The following RERE variants were observed in gnomAD, a reference collection of about 807,000 sequenced individuals.
The protein encoded by RERE is arginine-glutamic acid dipeptide repeats protein.
RERE carries 40 observed loss-of-function variants against 146.1 expected under a neutral mutation model. That is an observed-to-expected ratio of 0.27 (90% CI 0.21 to 0.36). The LOEUF (loss-of-function observed/expected upper bound fraction) is 0.36, where lower values mean the gene tolerates loss of function less well. RERE is among the 10% of genes least tolerant of loss of function. The pLI, the probability that RERE is intolerant of heterozygous loss-of-function variation, is 1.00. For missense variants in RERE, 1,933 were observed against 2,138.7 expected (o/e 0.90, Z 1.90); for synonymous variants, 1,003 against 866.0 (o/e 1.16, Z -2.78).
intron 1 of RERE, among the ~76,000 whole-genome samples, chr1:8,803,029 T>C (rs1275128898): frequency 6.6e-6 from 1 of 152,190 alleles, no homozygotes; most frequent in Non-Finnish European, 1.5e-5. Context: ...TTCAGGACAT[T>C]GGAACTAAGT....
chr1:8,531,360 T>A (rs568174350), intron 7 of RERE, among the ~76,000 whole-genome samples: 11 of 152,034 alleles, frequency 7.2e-5, no homozygotes, highest in African/African-American at 2.7e-4. Context: ...GGAGGATCAC[T>A]TGAGCCTGGG....
At position 8,353,283 on chromosome 1, in the gene RERE, C is replaced by A. The variant is rs891264168; in HGVS notation, c.*1804G>T. The A allele has an allele frequency of 6.6e-6, 1 of 152,358 alleles. No individual in the cohort carries two copies. Among genetic ancestry groups the A allele is most frequent in the Admixed American group, 6.5e-5 (1 of 15,288 alleles). 9.4% of individuals were successfully genotyped at this position (152,358 alleles called of 1,614,324 possible). A position where few individuals can be genotyped will look rare whatever the true frequency, so the allele number is the denominator to read the frequency against. On this transcript the variant is annotated 3_prime_UTR_variant, in exon 23 of 23. Transcript: ENST00000400908. ...CAAAACAAGCCTATCCCAACTGAAA[C>A]CAAACACGGTTTTTAAGAGAAACTG...
At chr1:8,390,465 C>T (rs773598153) in intron 12 of RERE, among the ~76,000 whole-genome samples, 16 of 152,128 alleles carry the variant, frequency 1.1e-4, no homozygotes, top group Admixed American at 3.9e-4. Context: ...TCCCATAGTC[C>T]GAACTGTATC....
intron 1 of RERE, among the ~76,000 whole-genome samples, chr1:8,755,075 A>G (rs916187415): frequency 2.6e-5 from 4 of 152,262 alleles, no homozygotes; most frequent in African/African-American, 9.6e-5. Context: ...CCAATTCAAT[A>G]CAAAGGCTCA....
intron 1 of RERE, among the ~76,000 whole-genome samples, chr1:8,744,620 C>G (rs1288228860): frequency 1.3e-5 from 2 of 152,122 alleles, no homozygotes; most frequent in African/African-American, 4.8e-5. Flanking sequence ...ATCTAAATAG[C>G]TCATAATATG....
intron 1 of RERE, among the ~76,000 whole-genome samples, chr1:8,686,667 T>C (rs1202571819): frequency 3.3e-5 from 5 of 152,122 alleles, no homozygotes; most frequent in Non-Finnish European, 7.4e-5. Flanking sequence ...GCAGGATCAC[T>C]TGAACCCGGG....
At chr1:8,377,384 G>C (rs373181954) in intron 12 of RERE, among the ~76,000 whole-genome samples, 6 of 152,108 alleles carry the variant, frequency 3.9e-5, no homozygotes, top group African/African-American at 1.2e-4. Context: ...GCTAATACCA[G>C]AAAAATCTTG....
intron 10 of RERE, among the ~76,000 whole-genome samples, chr1:8,490,789 G>A (rs1644970441): frequency 6.7e-6 from 1 of 150,360 alleles, no homozygotes; most frequent in African/African-American, 2.5e-5. Context: ...ATGGCTATCT[G>A]AGGCTGGAAG....
At chr1:8,376,253 T>C (rs1218635589) in intron 12 of RERE, among the ~76,000 whole-genome samples, 3 of 152,188 alleles carry the variant, frequency 2.0e-5, no homozygotes, top group Admixed American at 2.0e-4. Context: ...TTAATCTTCA[T>C]ACCTGGACCT....
At chr1:8,789,046 G>A (rs1338420757) in intron 1 of RERE, among the ~76,000 whole-genome samples, 1 of 151,650 alleles carries the variant, frequency 6.6e-6, no homozygotes, top group Non-Finnish European at 1.5e-5. Flanking sequence ...AGGGTGAGAG[G>A]CAAGAGAAGA....
chr1:8,413,439 C>T (rs1266323953), intron 12 of RERE, among the ~76,000 whole-genome samples: 1 of 152,118 alleles, frequency 6.6e-6, no homozygotes, highest in Non-Finnish European at 1.5e-5. Context: ...ACCTCCTGGG[C>T]TCAAGTGATC....
At chr1:8,391,715 T>C (rs1642887823) in intron 12 of RERE, among the ~76,000 whole-genome samples, 2 of 152,344 alleles carry the variant, frequency 1.3e-5, no homozygotes, top group South Asian at 4.1e-4. Context: ...ATCTAATTAT[T>C]CACCTAATCT....
chr1:8,799,515 T>C, intron 1 of RERE: 1 of 179,378 alleles, frequency 5.6e-6, no homozygotes, highest in Non-Finnish European at 1.2e-5. Context: ...AGATGTTTCA[T>C]TTAGGTTATT....
At chr1:8,384,559 T>C (rs183195212) in intron 12 of RERE, among the ~76,000 whole-genome samples, 6 of 152,294 alleles carry the variant, frequency 3.9e-5, no homozygotes, top group Middle Eastern at 3.4e-3. Context: ...AGGTGAGCGG[T>C]TGTATGCTAA....
At chr1:8,769,604 C>T (rs907253167) in intron 1 of RERE, among the ~76,000 whole-genome samples, 1 of 152,070 alleles carries the variant, frequency 6.6e-6, no homozygotes, top group East Asian at 1.9e-4. Context: ...GTCAGCCTCC[C>T]AAGTACCTGG....
intron 12 of RERE, among the ~76,000 whole-genome samples, chr1:8,403,896 T>C (rs1177131866): frequency 1.5e-5 from 2 of 133,724 alleles, no homozygotes; most frequent in Non-Finnish European, 3.1e-5. Context: ...AGTGGTGCCA[T>C]CTCGGCTCAC....
At chr1:8,752,347 TTTTCA>T (rs2124518420) in intron 1 of RERE, among the ~76,000 whole-genome samples, 1 of 152,200 alleles carries the variant, frequency 6.6e-6, no homozygotes, top group Non-Finnish European at 1.5e-5. Context: ...CTCAGGAACA[TTTTCA>T]TTTAAAAAAA....
intron 8 of RERE, among the ~76,000 whole-genome samples, chr1:8,501,031 AG>A (rs1242373220): frequency 0.044 from 1,580 of 36,202 alleles, 81 homozygotes; most frequent in African/African-American, 0.073. Flanking sequence ...CCCGTCCGGG[AG>A]GGGGGGGGGG....
intron 2 of RERE, among the ~76,000 whole-genome samples, chr1:8,653,174 T>G (rs1647716345): frequency 6.6e-6 from 1 of 152,190 alleles, no homozygotes; most frequent in East Asian, 1.9e-4. Flanking sequence ...TGAGGGAGAC[T>G]GTACAGGCAG....
Sources: gnomAD v4.1 joint callset for allele counts (sites outside exome capture counted in the v4.1 genomes callset) on GRCh38, gnomAD v4.1.1 for gene constraint, MANE v1.5 for transcripts, NCBI Gene and HGNC (gene_info 2026-07-23, HGNC 2026-07-21) for gene names.